The following TOX2 variants were observed in gnomAD, a reference collection of about 807,000 sequenced individuals.
The protein encoded by TOX2 is granulosa cell HMG box 1.
TOX2 carries 15 observed loss-of-function variants against 47.4 expected under a neutral mutation model. The ratio of observed to expected loss-of-function variants is 0.32; its 90% CI spans 0.21 to 0.49. The LOEUF is 0.49. Ranked by LOEUF, TOX2 falls within the 20% of genes least tolerant of loss-of-function variation. The probability of loss-of-function intolerance (pLI) is 0.99; values close to 1 mark genes in which losing one functional copy is unlikely to be tolerated. For missense variants in TOX2, 622 were observed against 673.1 expected (o/e 0.92, Z 0.84); for synonymous variants, 290 against 296.6 (o/e 0.98, Z 0.23).
chr20:43,931,059 C>T (rs185320461), intron 1 of TOX2, among the ~76,000 whole-genome samples: 159 of 152,338 alleles, frequency 1.0e-3, no homozygotes, highest in Non-Finnish European at 2.0e-3. Context: ...ATGGGTGGAG[C>T]CTTCAGAGCG....
intron 1 of TOX2, among the ~76,000 whole-genome samples, chr20:43,933,860 G>A (rs2069288300): frequency 6.6e-6 from 1 of 152,148 alleles, no homozygotes; most frequent in Non-Finnish European, 1.5e-5. Context: ...GGGGTTCTGG[G>A]TGGAACTCGT....
At chr20:43,936,217 C>G (rs150206507) in intron 1 of TOX2, among the ~76,000 whole-genome samples, 2 of 152,312 alleles carry the variant, frequency 1.3e-5, no homozygotes, top group East Asian at 3.9e-4. Context: ...CCAGCAGGCT[C>G]AAACTCAGGG....
At chr20:43,958,339 AT>A (rs1268581862) in intron 1 of TOX2, among the ~76,000 whole-genome samples, 1 of 151,900 alleles carries the variant, frequency 6.6e-6, no homozygotes, top group Non-Finnish European at 1.5e-5. Flanking sequence ...GTGGATGTTG[AT>A]TTTCTCTCTC....
At chr20:43,932,089 G>A (rs2069259501) in intron 1 of TOX2, among the ~76,000 whole-genome samples, 1 of 152,156 alleles carries the variant, frequency 6.6e-6, no homozygotes, top group Non-Finnish European at 1.5e-5. Flanking sequence ...GTATGGTGGA[G>A]AGTGGGGTAT....
At chr20:44,013,466 C>T (rs2145624726) in intron 3 of TOX2, among the ~76,000 whole-genome samples, 1 of 152,334 alleles carries the variant, frequency 6.6e-6, no homozygotes, top group African/African-American at 2.4e-5. Flanking sequence ...ACCCTTGGTC[C>T]TCTGGTCTTC....
intron 3 of TOX2, among the ~76,000 whole-genome samples, chr20:44,024,292 C>T (rs922958147): frequency 1.7e-4 from 26 of 152,206 alleles, no homozygotes; most frequent in South Asian, 6.2e-4. Context: ...CACCTTTACC[C>T]AGGGTTTATC....
chr20:44,014,683 C>A (rs888041309), intron 3 of TOX2, among the ~76,000 whole-genome samples: 2 of 152,158 alleles, frequency 1.3e-5, no homozygotes, highest in Admixed American at 6.5e-5. Flanking sequence ...AGTCAGCGAT[C>A]CGATGCAGGT....
rs527999303 is a variant in TOX2, at chr20:44,041,488, T to C, written c.412-9818T>C. Among the ~76,000 whole-genome samples the C allele has an allele frequency of 2.1e-4, 32 of 152,344 alleles. No individual in the cohort carries two copies. In the South Asian group the frequency reaches 6.4e-3, roughly 31 times the overall value. ...TAGAAAACCTGGGATGCTTAGTGGC[T>C]GTCCCCATGTTTTTGCTGGTTTTTA... On this transcript the variant is annotated intron_variant, in intron 3 of 8. Transcript: ENST00000341197.
chr20:44,039,369 G>A, intron 3 of TOX2: 1 of 1,229,032 alleles, frequency 8.1e-7, no homozygotes, highest in Non-Finnish European at 1.1e-6. Flanking sequence ...CATTTTACAT[G>A]GCTAGGCCAT....
chr20:44,005,587 C>T (rs1395129417), intron 2 of TOX2, among the ~76,000 whole-genome samples: 1 of 152,098 alleles, frequency 6.6e-6, no homozygotes, highest in Non-Finnish European at 1.5e-5. Context: ...ATGTCATGAC[C>T]AAATAGGGTT....
chr20:44,027,489 G>T (rs1182527252), intron 3 of TOX2, among the ~76,000 whole-genome samples: 1 of 152,222 alleles, frequency 6.6e-6, no homozygotes, highest in Non-Finnish European at 1.5e-5. Flanking sequence ...CTGTGCAGCT[G>T]CAGAAGCCTC....
At chr20:43,936,578 C>T (rs1388437705) in intron 1 of TOX2, among the ~76,000 whole-genome samples, 1 of 152,168 alleles carries the variant, frequency 6.6e-6, no homozygotes, top group Non-Finnish European at 1.5e-5. Context: ...TGGCAGTTTG[C>T]ATGCTGCTGG....
intron 2 of TOX2, among the ~76,000 whole-genome samples, chr20:44,003,858 G>C (rs1021450659): frequency 1.3e-5 from 2 of 152,144 alleles, no homozygotes; most frequent in African/African-American, 2.4e-5. Context: ...GGACTTCCAG[G>C]GCTGGATCTG....
intron 1 of TOX2, among the ~76,000 whole-genome samples, chr20:43,939,178 T>C (rs1482473347): frequency 6.6e-6 from 1 of 151,866 alleles, no homozygotes; most frequent in Non-Finnish European, 1.5e-5. Flanking sequence ...GCATGCACGT[T>C]AGGTCCTAGG....
chr20:43,924,084 T>C (rs1370124443), intron 1 of TOX2, among the ~76,000 whole-genome samples: 4 of 152,172 alleles, frequency 2.6e-5, no homozygotes, highest in Non-Finnish European at 4.4e-5. Flanking sequence ...GGCAGTCCCA[T>C]TGAAGGGCGA....
intron 3 of TOX2, among the ~76,000 whole-genome samples, chr20:44,030,816 G>A (rs760995455): frequency 9.2e-5 from 14 of 152,158 alleles, no homozygotes; most frequent in Non-Finnish European, 1.3e-4. Context: ...CTAAGAACAA[G>A]AGTTTATGGG....
At chr20:43,966,345 C>G (rs548163661) in intron 1 of TOX2, among the ~76,000 whole-genome samples, 2 of 152,140 alleles carry the variant, frequency 1.3e-5, no homozygotes, top group South Asian at 4.2e-4. Flanking sequence ...TAAAAGCAAG[C>G]AAGACAGTGT....
chr20:43,980,764 G>T (rs1223383744), intron 2 of TOX2, among the ~76,000 whole-genome samples: 3 of 152,164 alleles, frequency 2.0e-5, no homozygotes, highest in African/African-American at 7.2e-5. Flanking sequence ...TTGGTGTGGG[G>T]AAGGCATTTC....
At chr20:44,001,153 G>T (rs1413438318) in intron 2 of TOX2, among the ~76,000 whole-genome samples, 1 of 152,200 alleles carries the variant, frequency 6.6e-6, no homozygotes, top group Non-Finnish European at 1.5e-5. Flanking sequence ...GGATGCCAGT[G>T]GTAGAGAGAA....
Sources: allele counts gnomAD v4.1 joint callset (sites outside exome capture counted in the v4.1 genomes callset), GRCh38; gene constraint gnomAD v4.1.1; transcripts MANE v1.5; gene names NCBI Gene and HGNC (gene_info 2026-07-23, HGNC 2026-07-21).